WNK3: variants seen among roughly 807,000 people sequenced by gnomAD.
WNK3 encodes serine/threonine-protein kinase WNK3.
A neutral mutation model predicts 116.7 loss-of-function variants in WNK3; 18 were observed. The observed-to-expected ratio is 0.15, with a 90% CI of 0.11 to 0.23. The LOEUF is 0.23. Ranked by LOEUF, WNK3 falls within the 10% of genes least tolerant of loss-of-function variation. The pLI is 1.00. For synonymous variants in WNK3, 404 were observed against 469.4 expected (o/e 0.86, Z 1.80); for missense variants, 993 against 1,323.8 (o/e 0.75, Z 3.88).
chrX:54,278,627 T>C (rs1021462034), intron 10 of WNK3, among the ~76,000 whole-genome samples: 1 of 110,657 alleles, frequency 9.0e-6, no homozygotes, highest in Non-Finnish European at 1.9e-5. Flanking sequence ...ATAAAAGCAA[T>C]TGAATGGAAG....
intron 22 of WNK3, among the ~76,000 whole-genome samples, chrX:54,219,418 A>G (rs2067734706): frequency 9.1e-6 from 1 of 109,863 alleles, no homozygotes. Flanking sequence ...GGTGGCTCAC[A>G]CCTGTAATCC....
intron 5 of WNK3, among the ~76,000 whole-genome samples, chrX:54,305,564 C>T (rs1354026302): frequency 9.0e-6 from 1 of 111,244 alleles, no homozygotes; most frequent in East Asian, 2.8e-4. Context: ...GTCATTTGTC[C>T]TACAGAATGT....
intron 10 of WNK3, among the ~76,000 whole-genome samples, chrX:54,272,840 T>G (rs1322457659): frequency 8.9e-6 from 1 of 112,104 alleles, no homozygotes; most frequent in Non-Finnish European, 1.9e-5. Context: ...TATAAAGATA[T>G]TACCTTCACT....
intron 21 of WNK3, among the ~76,000 whole-genome samples, chrX:54,231,446 G>T: frequency 8.9e-6 from 1 of 112,127 alleles, no homozygotes; most frequent in East Asian, 2.8e-4. Flanking sequence ...CCAGGACTGT[G>T]TTCCTTCTGA....
At chrX:54,324,663 TGAA>T (rs2069076621) in intron 2 of WNK3, among the ~76,000 whole-genome samples, 1 of 112,343 alleles carries the variant, frequency 8.9e-6, no homozygotes, top group Non-Finnish European at 1.9e-5. Context: ...CTGGATCTGA[TGAA>T]GAGAGTGGGA....
intron 1 of WNK3, among the ~76,000 whole-genome samples, chrX:54,357,030 C>A (rs782799322): frequency 9.0e-6 from 1 of 110,784 alleles, no homozygotes; most frequent in East Asian, 2.8e-4. Flanking sequence ...ACCACCCCTT[C>A]CCAAATAACA....
chrX:54,321,772 C>T (rs2069037877), intron 2 of WNK3, among the ~76,000 whole-genome samples: 1 of 109,723 alleles, frequency 9.1e-6, no homozygotes, highest in Middle Eastern at 4.2e-3. Context: ...CCAGCCTGGC[C>T]AACATGGTGA....
intron 10 of WNK3, among the ~76,000 whole-genome samples, chrX:54,282,748 G>GA (rs1216336305): frequency 9.0e-6 from 1 of 111,644 alleles, no homozygotes; most frequent in East Asian, 2.8e-4. Context: ...AATGGCACTG[G>GA]AAAAACTGGA....
chrX:54,318,669 C>G (rs1159047634), intron 2 of WNK3, among the ~76,000 whole-genome samples: 1 of 110,693 alleles, frequency 9.0e-6, no homozygotes, highest in Non-Finnish European at 1.9e-5. Flanking sequence ...CCACTGCACT[C>G]CAGCCTAGGT....
intron 1 of WNK3, among the ~76,000 whole-genome samples, chrX:54,337,537 C>CGACAGAGCGA (rs2069256144): frequency 1.3e-5 from 1 of 78,086 alleles, no homozygotes; most frequent in Admixed American, 1.6e-4. Flanking sequence ...CTAGCCTGGG[C>CGACAGAGCGA]GACAGAGCGA....
At chrX:54,211,998 G>A (rs964494447) in intron 22 of WNK3, among the ~76,000 whole-genome samples, 1 of 111,329 alleles carries the variant, frequency 9.0e-6, no homozygotes, top group African/African-American at 3.3e-5. Context: ...AGGTTGAGGC[G>A]GGCGGATCAT....
chrX:54,290,443 C>T (rs184448877), intron 10 of WNK3, among the ~76,000 whole-genome samples: 26 of 111,229 alleles, frequency 2.3e-4, no homozygotes, highest in African/African-American at 7.8e-4. Context: ...GGGACTTTCC[C>T]GGACATACTG....
intron 10 of WNK3, among the ~76,000 whole-genome samples, chrX:54,282,230 C>G (rs1310464099): frequency 9.2e-6 from 1 of 108,982 alleles, no homozygotes; most frequent in Non-Finnish European, 1.9e-5. Flanking sequence ...TTTGTAGAGA[C>G]GAGGAGGTCT....
intron 1 of WNK3, among the ~76,000 whole-genome samples, chrX:54,346,379 C>G (rs1458058909): frequency 1.9e-5 from 2 of 104,754 alleles, no homozygotes; most frequent in Non-Finnish European, 3.9e-5. Flanking sequence ...CTGAGGCTGG[C>G]AGATTGCTTG....
chrX:54,292,063 C>T (rs1557165152), intron 10 of WNK3, among the ~76,000 whole-genome samples: 1 of 111,772 alleles, frequency 8.9e-6, no homozygotes, highest in African/African-American at 3.3e-5. Flanking sequence ...AGACTATTAA[C>T]TCATTGTCAG....
chrX:54,326,109 G>C (rs1397342498), intron 2 of WNK3, among the ~76,000 whole-genome samples: 2 of 82,287 alleles, frequency 2.4e-5, no homozygotes, highest in Non-Finnish European at 4.8e-5. Flanking sequence ...TTTTTTTTTT[G>C]AGATGAAGTC....
intron 22 of WNK3, among the ~76,000 whole-genome samples, chrX:54,211,119 G>A (rs782405378): frequency 8.9e-6 from 1 of 111,761 alleles, no homozygotes; most frequent in Admixed American, 9.6e-5. Context: ...GATCTGAGAA[G>A]TGAGATAGCC....
intron 1 of WNK3, among the ~76,000 whole-genome samples, chrX:54,355,340 G>A (rs1321119090): frequency 9.0e-6 from 1 of 111,439 alleles, no homozygotes; most frequent in Non-Finnish European, 1.9e-5. Context: ...ACTAGGGCAT[G>A]TCTTGTTTTT....
Position 54,222,755 on chromosome X carries a change from T to C in WNK3, c.4870+5959A>G, listed in dbSNP as rs151273403. Among the ~76,000 whole-genome samples the C allele has an allele frequency of 7.3e-3, 759 of 103,589 alleles. 10 individuals carry two copies. Among genetic ancestry groups the C allele is most frequent in the African/African-American group, 0.026 (742 of 28,241 alleles). 90.0% of individuals were successfully genotyped at this position (103,589 alleles called of 115,157 possible). A position where few individuals can be genotyped will look rare whatever the true frequency, so the allele number is the denominator to read the frequency against. On this transcript the variant is annotated intron_variant, in intron 22 of 23. Transcript: ENST00000354646. ...AGCCAGGTATGGTGGTATGCACCTG[T>C]AGTCCCAACTACTTGGGAGGCTGAG...
Sources: gnomAD v4.1 joint callset for allele counts (sites outside exome capture counted in the v4.1 genomes callset) on GRCh38, gnomAD v4.1.1 for gene constraint, MANE v1.5 for transcripts, NCBI Gene and HGNC (gene_info 2026-07-23, HGNC 2026-07-21) for gene names.